Variants in AGAP1 observed in about 807,000 individuals in gnomAD.
AGAP1 encodes the protein ArfGAP with GTPase domain, ankyrin repeat and PH domain 1, also known as arf-GAP with GTPase, ANK repeat and PH domain-containing protein 1.
AGAP1 carries 29 observed loss-of-function variants against 105.3 expected under a neutral mutation model. The ratio of observed to expected loss-of-function variants is 0.28; its 90% confidence interval spans 0.21 to 0.38. The LOEUF (loss-of-function observed/expected upper bound fraction) is 0.38, where lower values mean the gene tolerates loss of function less well. Ranked by LOEUF, AGAP1 falls within the 10% of genes least tolerant of loss-of-function variation. The pLI, the probability that AGAP1 is intolerant of heterozygous loss-of-function variation, is 1.00. For synonymous variants in AGAP1, 509 were observed against 485.9 expected (o/e 1.05, Z -0.63); for missense variants, 998 against 1,165.1 (o/e 0.86, Z 2.09).
intron 6 of AGAP1, among the ~76,000 whole-genome samples, chr2:235,795,439 C>G (rs116917503): frequency 1.3e-5 from 2 of 152,296 alleles, no homozygotes; most frequent in East Asian, 3.9e-4. Flanking sequence ...ACAAAGGAGT[C>G]CTTTCCCCTT....
intron 1 of AGAP1, among the ~76,000 whole-genome samples, chr2:235,532,411 T>G (rs909937288): frequency 2.0e-5 from 3 of 152,202 alleles, no homozygotes; most frequent in Admixed American, 6.5e-5. Context: ...AGATGGGGTT[T>G]CACCCAGAAT....
At chr2:236,043,132 T>G (rs1305447199) in intron 15 of AGAP1, among the ~76,000 whole-genome samples, 1 of 152,184 alleles carries the variant, frequency 6.6e-6, no homozygotes, top group Non-Finnish European at 1.5e-5. Flanking sequence ...AATACCCAAT[T>G]TTGGTTAAAG....
At chr2:235,800,310 A>G (rs1157318088) in intron 8 of AGAP1, among the ~76,000 whole-genome samples, 1 of 150,188 alleles carries the variant, frequency 6.7e-6, no homozygotes, top group East Asian at 2.0e-4. Flanking sequence ...TGTGTTGCCT[A>G]GGGTGGTCTT....
At chr2:235,828,787 C>T (rs920865922) in intron 9 of AGAP1, among the ~76,000 whole-genome samples, 2 of 152,150 alleles carry the variant, frequency 1.3e-5, no homozygotes, top group African/African-American at 2.4e-5. Context: ...CTGGTTGACA[C>T]GTTGAGGACA....
chr2:236,113,508 G>A lies in AGAP1; in HGVS notation c.2115-6684G>A, dbSNP rs1487246323. Among the ~76,000 whole-genome samples the A allele has an allele frequency of 6.6e-6, 1 of 152,208 alleles. No homozygotes were observed. The highest frequency in any genetic ancestry group is 2.4e-5 in the African/African-American group (1 of 41,458). The stretch of plus-strand genomic sequence containing the variant: ...GGAATGATCAATAAAGTCAGTTACT[G>A]TCATCCTTAAGCCCACACTAAGTGC... On this transcript the variant is annotated intron_variant, in intron 16 of 17. Coordinates refer to ENST00000304032, the MANE Select transcript of AGAP1 (RefSeq NM_001037131.3). The surrounding 1 kb of genome is among the most constrained non-coding windows in gnomAD (Gnocchi z 4.3).
intron 16 of AGAP1, among the ~76,000 whole-genome samples, chr2:236,111,224 A>G (rs549590165): frequency 2.0e-5 from 3 of 152,120 alleles, no homozygotes; most frequent in Non-Finnish European, 4.4e-5. Context: ...GTTTCCAGTC[A>G]CTGGGATGAG....
chr2:235,933,137 T>G (rs2052805522), intron 12 of AGAP1, among the ~76,000 whole-genome samples: 1 of 152,128 alleles, frequency 6.6e-6, no homozygotes, highest in African/African-American at 2.4e-5. Flanking sequence ...TGCAGGTCGT[T>G]TAAGGATTGA....
rs899640947 is a variant in AGAP1 at position 236,089,889 on chromosome 2, G to T, written c.2115-30303G>T. ...TGGACTTTCTACTGTTAACCACCAA[G>T]AAATGACCAATTTTCAGGAGTTAGT... is the stretch of plus-strand genomic sequence containing the variant. On this transcript the variant is annotated intron_variant, in intron 16 of 17. Transcript: ENST00000304032. This position sits in a 1 kb window ranked among gnomAD's most constrained non-coding sequence, Gnocchi z 5.6. Among the ~76,000 whole-genome samples the T allele has an allele frequency of 1.3e-5, 2 of 151,860 alleles. No homozygotes were observed. Among genetic ancestry groups the T allele is most frequent in the Non-Finnish European group, 2.9e-5 (2 of 68,012 alleles).
At chr2:235,969,930 G>A (rs1024533181) in intron 13 of AGAP1, among the ~76,000 whole-genome samples, 2 of 152,078 alleles carry the variant, frequency 1.3e-5, no homozygotes, top group Non-Finnish European at 1.5e-5. Flanking sequence ...CGTCGGGCAC[G>A]GTGGCTCACG....
At chr2:235,637,292 G>A (rs1947035549) in intron 1 of AGAP1, among the ~76,000 whole-genome samples, 1 of 152,058 alleles carries the variant, frequency 6.6e-6, no homozygotes, top group East Asian at 1.9e-4. Flanking sequence ...TTAAAAGACA[G>A]AGCCTTACTC....
rs567603235 is a variant in AGAP1, at chr2:235,600,603, C to T, written c.163+105754C>T. On this transcript the variant is annotated intron_variant, in intron 1 of 17. Coordinates refer to ENST00000304032, the MANE Select transcript of AGAP1 (RefSeq NM_001037131.3). The surrounding 1 kb of genome is among the most constrained non-coding windows in gnomAD (Gnocchi z 4.8). ...CAAGCTGAGGAGCAAGGAAGCCAGT[C>T]CCAGGCCGAAAGCTGAAGAACTTGG... 2.6e-5 allele frequency among the ~76,000 whole-genome samples: 4 copies of T among 152,322 alleles called. No individual in the cohort carries two copies. Among genetic ancestry groups the T allele is most frequent in the African/African-American group, 9.6e-5 (4 of 41,568 alleles).
intron 1 of AGAP1, among the ~76,000 whole-genome samples, chr2:235,563,289 G>A (rs1944227642): frequency 6.6e-6 from 1 of 152,144 alleles, no homozygotes; most frequent in East Asian, 1.9e-4. Flanking sequence ...GCCCCCCTTT[G>A]CTGTGTCTGG....
At chr2:235,853,555 G>C (rs956798756) in intron 9 of AGAP1, among the ~76,000 whole-genome samples, 12 of 152,162 alleles carry the variant, frequency 7.9e-5, no homozygotes, top group African/African-American at 2.9e-4. Flanking sequence ...TTGTTAGCAA[G>C]ACTAGATACC....
At chr2:235,707,454 A>C (rs2149501454) in intron 1 of AGAP1, among the ~76,000 whole-genome samples, 2 of 126,816 alleles carry the variant, frequency 1.6e-5, no homozygotes, top group Admixed American at 8.9e-5. Context: ...GGTTTGCTGC[A>C]CAGTTGCCCT....
intron 6 of AGAP1, among the ~76,000 whole-genome samples, chr2:235,770,714 A>G (rs1047299488): frequency 2.0e-5 from 3 of 152,298 alleles, no homozygotes; most frequent in South Asian, 2.1e-4. Flanking sequence ...ATTTTGAGAA[A>G]AAAATTGCCT....
At position 236,027,322 on chromosome 2, in the gene AGAP1, C is replaced by G. The variant is rs2057085356; in HGVS notation, c.1646-9239C>G. 6.6e-6 allele frequency among the ~76,000 whole-genome samples: 1 copy of G among 152,124 alleles called. No individual in the cohort carries two copies. ...CCTAGCATAGCTGGATTCCACTCGG[C>G]AGTGTTGGTGTAGAGTGGCCTTAAT... On this transcript the variant is annotated intron_variant, in intron 13 of 17. Transcript: ENST00000304032. This position sits in a 1 kb window ranked among gnomAD's most constrained non-coding sequence, Gnocchi z 4.4.
At chr2:235,605,456 G>A (rs575824553) in intron 1 of AGAP1, among the ~76,000 whole-genome samples, 1 of 152,200 alleles carries the variant, frequency 6.6e-6, no homozygotes, top group Non-Finnish European at 1.5e-5. Flanking sequence ...ACCAGACGAC[G>A]CCGGCCCTTC....
In AGAP1 at chr2:236,104,207, G is replaced by A. The variant is rs1011247460; in HGVS notation, c.2115-15985G>A. 1.3e-5 allele frequency among the ~76,000 whole-genome samples: 2 copies of A among 152,202 alleles called. No individual in the cohort carries two copies. Among genetic ancestry groups the A allele is most frequent in the Non-Finnish European group, 2.9e-5 (2 of 68,038 alleles). On this transcript the variant is annotated intron_variant, in intron 16 of 17. Transcript: ENST00000304032. The surrounding 1 kb of genome is among the most constrained non-coding windows in gnomAD (Gnocchi z 4.7). ...GAGGGCCCGCTCCAGCAGCCGGGGC[G>A]CTGGTAGGGCCAGGCCTGTTGGCTG...
At chr2:235,587,364 T>C (rs1206477571) in intron 1 of AGAP1, among the ~76,000 whole-genome samples, 1 of 152,116 alleles carries the variant, frequency 6.6e-6, no homozygotes, top group Non-Finnish European at 1.5e-5. Context: ...GTAGTAACCA[T>C]AGGTGGGAGG....
Sources: allele counts gnomAD v4.1 joint callset (sites outside exome capture counted in the v4.1 genomes callset), GRCh38; gene constraint gnomAD v4.1.1; non-coding constraint Gnocchi (gnomAD v3.1); transcripts MANE v1.5; gene names NCBI Gene and HGNC (gene_info 2026-07-23, HGNC 2026-07-21).